ULK4: variants seen among roughly 807,000 people sequenced by gnomAD.
The protein encoded by ULK4 is inactive serine/threonine-protein kinase ULK4.
ULK4 carries 133 observed loss-of-function variants against 160.6 expected under a neutral mutation model. The ratio of observed to expected loss-of-function variants is 0.83; its 90% CI spans 0.72 to 0.96. The LOEUF is 0.96. Ranked by LOEUF, ULK4 falls within the 40% of genes least tolerant of loss-of-function variation. The probability of loss-of-function intolerance (pLI) is 0.00; values close to 1 mark genes in which losing one functional copy is unlikely to be tolerated. For synonymous variants in ULK4, 534 were observed against 539.8 expected (o/e 0.99, Z 0.15); for missense variants, 1,580 against 1,499.5 (o/e 1.05, Z -0.89).
At chr3:41,868,984 T>C (rs1482243077) in intron 17 of ULK4, 1 of 152,212 alleles carries the variant, frequency 6.6e-6, no homozygotes, top group Non-Finnish European at 1.5e-5. Flanking sequence ...CCTGATTAGA[T>C]GGTAATTTAG....
intron 34 of ULK4, among the ~76,000 whole-genome samples, chr3:41,446,118 GAAA>G (rs1300273736): frequency 6.6e-6 from 1 of 152,064 alleles, no homozygotes; most frequent in Admixed American, 6.5e-5. Context: ...AAACACACAT[GAAA>G]AAAATGCTCA....
chr3:41,404,807 A>G (rs1231474435), intron 34 of ULK4, among the ~76,000 whole-genome samples: 3 of 152,164 alleles, frequency 2.0e-5, no homozygotes, highest in African/African-American at 7.2e-5. Context: ...ATATTATGAC[A>G]CAGCAAGAAG....
chr3:41,328,575 T>C (rs1035158479), intron 35 of ULK4, among the ~76,000 whole-genome samples: 3 of 152,142 alleles, frequency 2.0e-5, no homozygotes, highest in Admixed American at 1.3e-4. Flanking sequence ...TGAGCAAAAT[T>C]AGATTCCACT....
chr3:41,559,573 T>C (rs2125591395), intron 32 of ULK4, among the ~76,000 whole-genome samples: 1 of 151,814 alleles, frequency 6.6e-6, no homozygotes, highest in African/African-American at 2.4e-5. Context: ...CCATTCTAAC[T>C]GGTGTGAGAT....
intron 20 of ULK4, among the ~76,000 whole-genome samples, chr3:41,795,290 T>C (rs1030231982): frequency 3.3e-5 from 5 of 152,340 alleles, no homozygotes; most frequent in African/African-American, 1.2e-4. Flanking sequence ...ATTATGATGT[T>C]AGAGTAACTG....
intron 2 of ULK4, among the ~76,000 whole-genome samples, chr3:41,951,622 C>T (rs532048012): frequency 6.6e-6 from 1 of 152,256 alleles, no homozygotes; most frequent in Non-Finnish European, 1.5e-5. Context: ...ACAAATGGTG[C>T]TGAGAAAACT....
chr3:41,894,871 C>G (rs1048121826), intron 16 of ULK4, among the ~76,000 whole-genome samples: 5 of 152,120 alleles, frequency 3.3e-5, no homozygotes, highest in Admixed American at 2.6e-4. Flanking sequence ...GCAAACAGAA[C>G]CCAGAGCCTT....
intron 35 of ULK4, among the ~76,000 whole-genome samples, chr3:41,372,618 C>T (rs917296954): frequency 6.6e-6 from 1 of 152,136 alleles, no homozygotes; most frequent in African/African-American, 2.4e-5. Flanking sequence ...CCAGGCCTGC[C>T]TTACAAGAGC....
intron 8 of ULK4, among the ~76,000 whole-genome samples, chr3:41,914,147 C>G (rs1345508787): frequency 6.6e-6 from 1 of 152,078 alleles, no homozygotes; most frequent in Non-Finnish European, 1.5e-5. Context: ...GAGTATACCT[C>G]TAGATATACT....
At chr3:41,642,486 A>C (rs1210984585) in intron 30 of ULK4, among the ~76,000 whole-genome samples, 2 of 152,086 alleles carry the variant, frequency 1.3e-5, no homozygotes, top group African/African-American at 4.8e-5. Context: ...GATGATTTCC[A>C]ATTTCATCCA....
chr3:41,291,826 GTTC>G (rs1439139030), intron 35 of ULK4, among the ~76,000 whole-genome samples: 5 of 141,172 alleles, frequency 3.5e-5, no homozygotes, highest in African/African-American at 1.4e-4. Flanking sequence ...CACTTGTGAT[GTTC>G]TTTTTTTTTT....
chr3:41,704,478 CAGAA>C (rs772105858), intron 27 of ULK4, among the ~76,000 whole-genome samples: 5 of 152,268 alleles, frequency 3.3e-5, no homozygotes, highest in Middle Eastern at 3.4e-3. Flanking sequence ...GACCTTTCTG[CAGAA>C]AGAAAGGGAC....
chr3:41,945,176 C>A (rs1387991268), intron 2 of ULK4, among the ~76,000 whole-genome samples: 1 of 152,226 alleles, frequency 6.6e-6, no homozygotes, highest in African/African-American at 2.4e-5. Flanking sequence ...TCACAGCTGT[C>A]AGCACCAAAG....
intron 35 of ULK4, among the ~76,000 whole-genome samples, chr3:41,304,776 C>T (rs922751195): frequency 3.9e-5 from 6 of 152,226 alleles, no homozygotes; most frequent in Non-Finnish European, 7.3e-5. Context: ...AACCAGGATC[C>T]TGTCGCTTCT....
At chr3:41,856,888 G>A (rs2042376948) in intron 17 of ULK4, among the ~76,000 whole-genome samples, 2 of 151,426 alleles carry the variant, frequency 1.3e-5, no homozygotes, top group Admixed American at 1.3e-4. Context: ...CAGCCTGGGT[G>A]ACAGAGTGAG....
intron 18 of ULK4, among the ~76,000 whole-genome samples, chr3:41,831,967 G>A (rs1037269927): frequency 2.0e-5 from 3 of 152,090 alleles, no homozygotes; most frequent in South Asian, 2.1e-4. Flanking sequence ...CATTTGGGTT[G>A]GTTCCATGTC....
At chr3:41,296,558 G>A (rs951756738) in intron 35 of ULK4, among the ~76,000 whole-genome samples, 1 of 152,178 alleles carries the variant, frequency 6.6e-6, no homozygotes, top group African/African-American at 2.4e-5. Flanking sequence ...TAGGGAGGCT[G>A]CCATGGGTGG....
chr3:41,830,630 C>A (rs1178079388), intron 18 of ULK4, among the ~76,000 whole-genome samples: 1 of 151,554 alleles, frequency 6.6e-6, no homozygotes, highest in Non-Finnish European at 1.5e-5. Context: ...ACTATAGGAC[C>A]AAAAAAAGAA....
chr3:41,593,248 G>A (rs964954718), intron 31 of ULK4, among the ~76,000 whole-genome samples: 2 of 152,194 alleles, frequency 1.3e-5, no homozygotes, highest in African/African-American at 4.8e-5. Flanking sequence ...AACAAGAGCT[G>A]ATGCAAAGTG....
Sources: gnomAD v4.1 joint callset for allele counts (sites outside exome capture counted in the v4.1 genomes callset) on GRCh38, gnomAD v4.1.1 for gene constraint, MANE v1.5 for transcripts, NCBI Gene and HGNC (gene_info 2026-07-23, HGNC 2026-07-21) for gene names.